Variants in PARD3 observed in about 807,000 individuals in gnomAD.
The protein encoded by PARD3 is partitioning defective 3 homolog.
A neutral mutation model predicts 155.4 loss-of-function variants in PARD3; 75 were observed. That is an observed-to-expected ratio of 0.48 (90% CI 0.40 to 0.58). The LOEUF (loss-of-function observed/expected upper bound fraction) is 0.58. PARD3 is among the 20% of genes least tolerant of loss of function. The probability of loss-of-function intolerance (pLI) is 0.00; values close to 1 mark genes in which losing one functional copy is unlikely to be tolerated. For missense variants in PARD3, 1,642 were observed against 1,721.7 expected, an observed-to-expected ratio of 0.95 and a Z score of 0.82; for synonymous variants, 576 against 610.5, an observed-to-expected ratio of 0.94 and a Z score of 0.83.
intron 2 of PARD3, among the ~76,000 whole-genome samples, chr10:34,577,278 T>C (rs1193385106): frequency 8.5e-5 from 13 of 152,218 alleles, no homozygotes. Flanking sequence ...TTAATACACC[T>C]GCAGAGTTTT....
intron 14 of PARD3, among the ~76,000 whole-genome samples, chr10:34,349,024 C>T (rs1348964343): frequency 6.6e-6 from 1 of 152,106 alleles, no homozygotes; most frequent in Non-Finnish European, 1.5e-5. Context: ...CTACAATCCT[C>T]ATAACGCAGA....
chr10:34,136,108 CGCTG>C (rs1199191495), intron 22 of PARD3, among the ~76,000 whole-genome samples: 1 of 152,216 alleles, frequency 6.6e-6, no homozygotes, highest in Non-Finnish European at 1.5e-5. Context: ...ATTCTGCAGA[CGCTG>C]CCTATTTTAT....
At chr10:34,393,125 A>C (rs903574560) in intron 7 of PARD3, among the ~76,000 whole-genome samples, 1 of 150,008 alleles carries the variant, frequency 6.7e-6, no homozygotes, top group African/African-American at 2.5e-5. Context: ...GGCACCAAAA[A>C]TGCTAACTAG....
At chr10:34,611,153 G>A (rs1008122064) in intron 2 of PARD3, among the ~76,000 whole-genome samples, 1 of 152,152 alleles carries the variant, frequency 6.6e-6, no homozygotes, top group Non-Finnish European at 1.5e-5. Context: ...GGCAGAATAA[G>A]GGCCAGTTTA....
chr10:34,661,070 A>C (rs1398901347), intron 2 of PARD3, among the ~76,000 whole-genome samples: 1 of 152,188 alleles, frequency 6.6e-6, no homozygotes, highest in African/African-American at 2.4e-5. Flanking sequence ...ATGGGGCAGA[A>C]ACACTCAGAT....
At chr10:34,736,451 C>A (rs1337293634) in intron 1 of PARD3, among the ~76,000 whole-genome samples, 1 of 151,588 alleles carries the variant, frequency 6.6e-6, no homozygotes, top group Admixed American at 6.6e-5. Context: ...ACAACAGCCT[C>A]CTGAATAGCT....
At chr10:34,497,373 G>T (rs2080364652) in intron 3 of PARD3, among the ~76,000 whole-genome samples, 1 of 152,162 alleles carries the variant, frequency 6.6e-6, no homozygotes, top group Admixed American at 6.5e-5. Flanking sequence ...AAGTGTACAA[G>T]AGGATGTGTG....
At chr10:34,337,938 G>A (rs1259321505) in intron 16 of PARD3, among the ~76,000 whole-genome samples, 1 of 152,212 alleles carries the variant, frequency 6.6e-6, no homozygotes, top group Non-Finnish European at 1.5e-5. Flanking sequence ...ATTTCATAAG[G>A]CTGCAGTTTC....
chr10:34,407,738 CAG>C (rs915323375), intron 5 of PARD3, among the ~76,000 whole-genome samples: 4 of 151,870 alleles, frequency 2.6e-5, no homozygotes, highest in African/African-American at 9.7e-5. Context: ...GAGACTGAGA[CAG>C]GGGGATCACT....
intron 4 of PARD3, among the ~76,000 whole-genome samples, chr10:34,451,583 G>A (rs78974074): frequency 0.01 from 1,568 of 151,996 alleles, 33 homozygotes; most frequent in African/African-American, 0.036. Context: ...GTTCCATCAG[G>A]GAATAAAACT....
chr10:34,481,562 C>G (rs2079084515), intron 3 of PARD3, among the ~76,000 whole-genome samples: 1 of 152,184 alleles, frequency 6.6e-6, no homozygotes, highest in African/African-American at 2.4e-5. Flanking sequence ...CCAGACACAT[C>G]AGGGAGTGAT....
chr10:34,291,025 T>C (rs1447034007), intron 20 of PARD3, among the ~76,000 whole-genome samples: 3 of 152,206 alleles, frequency 2.0e-5, no homozygotes, highest in Non-Finnish European at 4.4e-5. Context: ...TTGATCCAAG[T>C]TTCTCTGGGA....
In PARD3 at chr10:34,626,080, T is replaced by A. The variant is rs1357745526; in HGVS notation, c.222+70238A>T. ...ACAGATTGCTATTGTTTTGGTCCCC[T>A]CAAAGATGAAGTAGCTGGCTTGTGT... On this transcript the variant is annotated intron_variant, in intron 2 of 24. Transcript: ENST00000374788. Among the ~76,000 whole-genome samples the A allele has an allele frequency of 2.6e-5, 4 of 152,166 alleles. No individual in the cohort carries two copies. In the East Asian group the frequency reaches 7.7e-4, roughly 29 times the overall value.
In PARD3 at chr10:34,428,872, T is replaced by A. The variant is rs117150893; in HGVS notation, c.714+21445A>T. 2.6e-3 allele frequency among the ~76,000 whole-genome samples: 389 copies of A among 152,194 alleles called. 9 individuals are homozygous for A. The East Asian group carries it at 0.066, about 26-fold the overall frequency. The stretch of plus-strand genomic sequence containing the variant: ...TATATACACACATCCAAAATAGAAG[T>A]ACGAATCAGTCAAGGAAAATTTGTT... On this transcript the variant is annotated intron_variant, in intron 5 of 24. Transcript: ENST00000374788.
intron 22 of PARD3, among the ~76,000 whole-genome samples, chr10:34,206,738 G>A (rs894090148): frequency 3.3e-5 from 5 of 152,160 alleles, no homozygotes; most frequent in African/African-American, 1.2e-4. Context: ...TAACTTCCAG[G>A]TTGCTGCCAT....
At chr10:34,158,223 A>G (rs1008112665) in intron 22 of PARD3, among the ~76,000 whole-genome samples, 1 of 144,200 alleles carries the variant, frequency 6.9e-6, no homozygotes, top group Admixed American at 6.9e-5. Context: ...TCCAAATAAA[A>G]AACAAACAAA....
chr10:34,690,381 T>C (rs1480598397), intron 2 of PARD3, among the ~76,000 whole-genome samples: 1 of 152,214 alleles, frequency 6.6e-6, no homozygotes, highest in Non-Finnish European at 1.5e-5. Context: ...CAAAAATCAT[T>C]GTGCTGAACA....
intron 1 of PARD3, among the ~76,000 whole-genome samples, chr10:34,777,444 T>C (rs1489968976): frequency 7.5e-6 from 1 of 133,164 alleles, no homozygotes; most frequent in Non-Finnish European, 1.5e-5. Context: ...TTGCAAACAT[T>C]TTATACAACC....
chr10:34,392,315 T>G (rs146607472), intron 7 of PARD3, among the ~76,000 whole-genome samples: 326 of 152,150 alleles, frequency 2.1e-3, no homozygotes, highest in African/African-American at 7.5e-3. Context: ...ACACAGAAAT[T>G]GAAGAAGCTT....
Sources: gnomAD v4.1 joint callset for allele counts (sites outside exome capture counted in the v4.1 genomes callset) on GRCh38, gnomAD v4.1.1 for gene constraint, MANE v1.5 for transcripts, NCBI Gene and HGNC (gene_info 2026-07-23, HGNC 2026-07-21) for gene names.